MAPK10: variants seen among roughly 807,000 people sequenced by gnomAD.
MAPK10 encodes JNK3 alpha protein kinase.
MAPK10 carries 25 observed loss-of-function variants against 59.3 expected under a neutral mutation model. The ratio of observed to expected loss-of-function variants is 0.42; its 90% CI spans 0.31 to 0.59. The LOEUF (loss-of-function observed/expected upper bound fraction) is 0.59. MAPK10 is among the 20% of genes least tolerant of loss of function. MAPK10 has a pLI of 0.15. For synonymous variants in MAPK10, 190 were observed against 200.5 expected, an observed-to-expected ratio of 0.95 and a Z score of 0.44; for missense variants, 351 against 568.9, an observed-to-expected ratio of 0.62 and a Z score of 3.90.
At chr4:86,080,459 A>G (rs1183356192) in intron 9 of MAPK10, 2 of 152,140 alleles carry the variant, frequency 1.3e-5, no homozygotes, top group Admixed American at 6.5e-5. Context: ...ATAAATTTCA[A>G]TGTAAAATTC....
intron 4 of MAPK10, among the ~76,000 whole-genome samples, chr4:86,112,626 A>G (rs2057676709): frequency 1.3e-5 from 2 of 152,156 alleles, no homozygotes; most frequent in Admixed American, 6.5e-5. Context: ...GGAGTGTTTT[A>G]CTTGTAATTA....
chr4:86,234,277 C>T (rs2091971848), intron 2 of MAPK10, among the ~76,000 whole-genome samples: 4 of 152,006 alleles, frequency 2.6e-5, no homozygotes, highest in African/African-American at 4.8e-5. Context: ...GTATTGTATA[C>T]TTAATAAATA....
At chr4:86,183,832 C>G (rs1413041652) in intron 3 of MAPK10, among the ~76,000 whole-genome samples, 1 of 152,200 alleles carries the variant, frequency 6.6e-6, no homozygotes, top group African/African-American at 2.4e-5. Context: ...GATCGCCATT[C>G]TAACTGGTGT....
chr4:86,136,861 C>CA (rs1433981511), intron 4 of MAPK10, among the ~76,000 whole-genome samples: 1 of 151,268 alleles, frequency 6.6e-6, no homozygotes, highest in Non-Finnish European at 1.5e-5. Flanking sequence ...CAATGGAAAA[C>CA]AAAAAAAGGC....
At chr4:86,076,973 T>C (rs914381887) in intron 9 of MAPK10, among the ~76,000 whole-genome samples, 1 of 152,152 alleles carries the variant, frequency 6.6e-6, no homozygotes, top group African/African-American at 2.4e-5. Context: ...TTTGATGTGC[T>C]GTTTCAGAAA....
chr4:86,112,972 T>C (rs952437934), intron 4 of MAPK10, among the ~76,000 whole-genome samples: 51 of 150,468 alleles, frequency 3.4e-4, no homozygotes, highest in African/African-American at 1.1e-3. Flanking sequence ...GTAATGTCCT[T>C]CTTTGTCTTT....
intron 4 of MAPK10, among the ~76,000 whole-genome samples, chr4:86,121,826 G>A (rs2059304752): frequency 6.6e-6 from 1 of 152,054 alleles, no homozygotes; most frequent in Admixed American, 6.6e-5. Context: ...TATTTCTCCT[G>A]TCAAACTGTC....
intron 1 of MAPK10, among the ~76,000 whole-genome samples, chr4:86,542,132 GAGAT>G (rs1758755161): frequency 6.6e-6 from 1 of 152,012 alleles, no homozygotes; most frequent in South Asian, 2.1e-4. Context: ...AGAATATTGA[GAGAT>G]AGAAGTATTA....
intron 2 of MAPK10, among the ~76,000 whole-genome samples, chr4:86,213,586 T>G (rs1362520518): frequency 4.6e-5 from 7 of 152,058 alleles, no homozygotes; most frequent in Non-Finnish European, 8.8e-5. Context: ...TGTGATTAAT[T>G]GTATGCCAAC....
chr4:86,284,812 C>G (rs1049256764), intron 2 of MAPK10, among the ~76,000 whole-genome samples: 2 of 152,138 alleles, frequency 1.3e-5, no homozygotes, highest in Non-Finnish European at 2.9e-5. Flanking sequence ...ATTTGAGTGC[C>G]TAAACATGCA....
intron 1 of MAPK10, among the ~76,000 whole-genome samples, chr4:86,422,373 G>T (rs971917996): frequency 5.3e-5 from 8 of 152,162 alleles, no homozygotes; most frequent in African/African-American, 1.7e-4. Flanking sequence ...AGAAGGCAAT[G>T]CCTAACATGT....
chr4:86,430,280 G>A (rs1451459738), intron 1 of MAPK10, among the ~76,000 whole-genome samples: 1 of 152,168 alleles, frequency 6.6e-6, no homozygotes, highest in East Asian at 1.9e-4. Flanking sequence ...ACTGGTCCAT[G>A]TTATTAAATG....
intron 2 of MAPK10, among the ~76,000 whole-genome samples, chr4:86,297,507 T>C (rs1584272074): frequency 6.6e-6 from 1 of 152,262 alleles, no homozygotes; most frequent in East Asian, 1.9e-4. Context: ...GAGACGCGGT[T>C]TCACCATGTT....
rs1049955837 is a variant in MAPK10 at position 86,281,816 on chromosome 4, C to T, written c.-7+72714G>A. ...CTATTATTCATGGAGACTTAATTGA[C>T]TTTTATAATAATACAACTATTGATT... On this transcript the variant is annotated intron_variant, in intron 2 of 13. Transcript: ENST00000641462. Among the ~76,000 whole-genome samples, 3 of 151,888 alleles carry T rather than the reference C, an allele frequency of 2.0e-5. No homozygotes were observed. In the East Asian group the frequency reaches 5.8e-4, roughly 30 times the overall value.
chr4:86,088,513 T>C (rs556912470), intron 9 of MAPK10, among the ~76,000 whole-genome samples: 2 of 152,138 alleles, frequency 1.3e-5, no homozygotes, highest in Non-Finnish European at 2.9e-5. Flanking sequence ...AATTATTTGC[T>C]GCTTAAGAGA....
At position 86,357,435 on chromosome 4, in the gene MAPK10, C is replaced by A. The variant is rs150194437; in HGVS notation, c.-122+2223G>T. On this transcript the variant is annotated intron_variant, in intron 1 of 13. Transcript: ENST00000641462. The stretch of plus-strand genomic sequence containing the variant: ...ATGCCTTTAAACATGGGAGGTTTTT[C>A]TAGATTACTTAGGTTGGGCAAATTT... 7.4e-3 allele frequency among the ~76,000 whole-genome samples: 1,124 copies of A among 152,192 alleles called. 6 individuals carry two copies. Among genetic ancestry groups the A allele is most frequent in the Admixed American group, 0.013 (206 of 15,284 alleles).
chr4:86,470,641 T>G (rs1202271749), intron 1 of MAPK10, among the ~76,000 whole-genome samples: 2 of 152,206 alleles, frequency 1.3e-5, no homozygotes, highest in Non-Finnish European at 2.9e-5. Flanking sequence ...TCTTCCTTTT[T>G]GTTTTTTCAT....
intron 1 of MAPK10, among the ~76,000 whole-genome samples, chr4:86,530,070 T>G: frequency 1.5e-5 from 1 of 68,596 alleles, no homozygotes; most frequent in East Asian, 4.1e-4. Context: ...TGTTTTTCCT[T>G]TTTTTTTTTT....
chr4:86,372,553 AAAG>A (rs1462215166), intron 1 of MAPK10, among the ~76,000 whole-genome samples: 5 of 16,594 alleles, frequency 3.0e-4, no homozygotes, highest in Non-Finnish European at 5.2e-4. Context: ...AGAAAGAAAG[AAAG>A]AAAGAAAGAA....
Sources: allele counts gnomAD v4.1 joint callset (sites outside exome capture counted in the v4.1 genomes callset), GRCh38; gene constraint gnomAD v4.1.1; transcripts MANE v1.5; gene names NCBI Gene and HGNC (gene_info 2026-07-23, HGNC 2026-07-21).